WWOX: variants seen among roughly 807,000 people sequenced by gnomAD.
WWOX encodes the protein WW domain containing oxidoreductase.
Under a neutral mutation model 46.2 loss-of-function variants are expected in WWOX, and 69 were observed. That is an observed-to-expected ratio of 1.49 (90% CI 1.23 to 1.82). WWOX has a LOEUF of 1.82. Ranked by LOEUF, WWOX falls within the 40% of genes most tolerant of loss-of-function variation. The pLI is 0.00. For synonymous variants in WWOX, 359 were observed against 202.6 expected (o/e 1.77, Z -6.56); for missense variants, 919 against 542.6 (o/e 1.69, Z -6.89).
chr16:78,292,032 G>C (rs138179042), intron 5 of WWOX, among the ~76,000 whole-genome samples: 2 of 147,154 alleles, frequency 1.4e-5, no homozygotes, highest in East Asian at 2.0e-4. Flanking sequence ...CCTGTTTTTT[G>C]TATGGCTTAT....
At chr16:78,220,122 C>T (rs74472435) in intron 5 of WWOX, among the ~76,000 whole-genome samples, 16,872 of 152,060 alleles carry the variant, frequency 0.11, 1,092 homozygotes, top group Non-Finnish European at 0.15. Context: ...TTTGTTTATT[C>T]GGGGTACTCC....
chr16:79,098,502 C>T (rs2049122585), intron 8 of WWOX, among the ~76,000 whole-genome samples: 1 of 152,372 alleles, frequency 6.6e-6, no homozygotes, highest in East Asian at 1.9e-4. Flanking sequence ...TTCTTCACCC[C>T]TTCCCTGGTA....
At chr16:78,884,665 G>C (rs921549368) in intron 8 of WWOX, among the ~76,000 whole-genome samples, 1 of 152,156 alleles carries the variant, frequency 6.6e-6, no homozygotes, top group African/African-American at 2.4e-5. Context: ...TAGAAGTCAG[G>C]GTAGAGGATG....
intron 8 of WWOX, among the ~76,000 whole-genome samples, chr16:78,759,793 G>C (rs192969156): frequency 2.0e-5 from 3 of 152,126 alleles, no homozygotes; most frequent in Non-Finnish European, 4.4e-5. Flanking sequence ...TGAAGGTTTC[G>C]CTCCAGAGTG....
chr16:78,853,634 C>T (rs1416469667), intron 8 of WWOX, among the ~76,000 whole-genome samples: 1 of 152,044 alleles, frequency 6.6e-6, no homozygotes, highest in Non-Finnish European at 1.5e-5. Context: ...TGTAGTACTT[C>T]GCCTTTCCCT....
intron 4 of WWOX, among the ~76,000 whole-genome samples, chr16:78,121,184 G>T (rs890319375): frequency 5.9e-5 from 9 of 152,076 alleles, no homozygotes; most frequent in African/African-American, 1.9e-4. Context: ...AAAACCTGGT[G>T]CTCATTAAGG....
chr16:79,027,503 C>T (rs986181669), intron 8 of WWOX, among the ~76,000 whole-genome samples: 1 of 151,794 alleles, frequency 6.6e-6, no homozygotes, highest in Admixed American at 6.5e-5. Context: ...CTAATGACTT[C>T]TGCCTGCCAT....
At chr16:78,942,660 A>C (rs2045875485) in intron 8 of WWOX, among the ~76,000 whole-genome samples, 1 of 152,310 alleles carries the variant, frequency 6.6e-6, no homozygotes. Context: ...ATGAAGAGAA[A>C]ATGGAATGGA....
chr16:78,523,783 T>C lies in WWOX; in HGVS notation c.1056+91031T>C, dbSNP rs536787085. ...CGTCTGATTTATGAGAGCATGACCCTGGGGGCCTCTGGAACAGCTGCTCAC... is the reference window on the plus strand; with the variant it reads ...CGTCTGATTTATGAGAGCATGACCCCGGGGGCCTCTGGAACAGCTGCTCAC... On this transcript the variant is annotated intron_variant, in intron 8 of 8. Coordinates refer to ENST00000566780, the MANE Select transcript of WWOX (RefSeq NM_016373.4). Among the ~76,000 whole-genome samples the C allele has an allele frequency of 7.9e-5, 12 of 152,320 alleles. No individual in the cohort carries two copies. In the East Asian group the frequency reaches 2.1e-3, roughly 27 times the overall value.
chr16:78,804,175 T>C (rs1212933028), intron 8 of WWOX, among the ~76,000 whole-genome samples: 1 of 151,888 alleles, frequency 6.6e-6, no homozygotes, highest in African/African-American at 2.4e-5. Context: ...GGGCTGGGGG[T>C]CCTCTTGAAG....
intron 8 of WWOX, among the ~76,000 whole-genome samples, chr16:78,831,305 T>C (rs964975399): frequency 1.3e-4 from 20 of 152,328 alleles, no homozygotes; most frequent in Middle Eastern, 3.4e-3. Context: ...TCCTGGAGGA[T>C]TGATATCCCC....
At chr16:78,595,427 T>C (rs1337488663) in intron 8 of WWOX, among the ~76,000 whole-genome samples, 1 of 152,096 alleles carries the variant, frequency 6.6e-6, no homozygotes, top group Admixed American at 6.5e-5. Flanking sequence ...TGGAACGTAA[T>C]ATTCGTTGGG....
At chr16:78,538,471 G>C (rs367696141) in intron 8 of WWOX, among the ~76,000 whole-genome samples, 1 of 152,140 alleles carries the variant, frequency 6.6e-6, no homozygotes, top group South Asian at 2.1e-4. Flanking sequence ...AATGAAGATG[G>C]AATGACTCCA....
At chr16:79,199,974 G>A (rs2051314971) in intron 8 of WWOX, among the ~76,000 whole-genome samples, 1 of 152,176 alleles carries the variant, frequency 6.6e-6, no homozygotes, top group Non-Finnish European at 1.5e-5. Context: ...AACTGTGGGG[G>A]CAGAGAGTTC....
intron 8 of WWOX, among the ~76,000 whole-genome samples, chr16:78,611,962 G>A (rs1213973059): frequency 6.6e-6 from 1 of 152,222 alleles, no homozygotes. Flanking sequence ...GAACAGAACA[G>A]CCATACAGCC....
Position 78,943,355 on chromosome 16 carries a change from A to C in WWOX, c.1057-268253A>C, listed in dbSNP as rs539002691. Among the ~76,000 whole-genome samples, 155 of 152,078 alleles carry C rather than the reference A, an allele frequency of 1.0e-3. 1 individual carries two copies. The highest frequency in any genetic ancestry group is 3.5e-3 in the African/African-American group (146 of 41,478). On this transcript the variant is annotated intron_variant, in intron 8 of 8. Transcript: ENST00000566780. Reference sequence around the variant, plus strand: ...CAAACCCTTTGGCATTCAAGATTACACTCTTATTCACTAACTGTTCATCTC... The same window carrying C: ...CAAACCCTTTGGCATTCAAGATTACCCTCTTATTCACTAACTGTTCATCTC...
intron 5 of WWOX, among the ~76,000 whole-genome samples, chr16:78,275,202 G>A (rs1253274949): frequency 6.6e-6 from 1 of 152,176 alleles, no homozygotes; most frequent in Non-Finnish European, 1.5e-5. Flanking sequence ...GCATGTGTTT[G>A]CTGCCCCCAC....
At chr16:78,421,769 T>C (rs1881662244) in intron 6 of WWOX, among the ~76,000 whole-genome samples, 1 of 152,212 alleles carries the variant, frequency 6.6e-6, no homozygotes, top group African/African-American at 2.4e-5. Flanking sequence ...TTTACAGTCA[T>C]GTGCTGACAA....
chr16:78,903,942 C>T (rs989444684), intron 8 of WWOX, among the ~76,000 whole-genome samples: 1 of 152,160 alleles, frequency 6.6e-6, no homozygotes, highest in African/African-American at 2.4e-5. Flanking sequence ...TTTCTCCGGG[C>T]CAGCCACACA....
Sources: gnomAD v4.1 joint callset for allele counts (sites outside exome capture counted in the v4.1 genomes callset) on GRCh38, gnomAD v4.1.1 for gene constraint, MANE v1.5 for transcripts, NCBI Gene and HGNC (gene_info 2026-07-23, HGNC 2026-07-21) for gene names.